The following ARPC2 variants were observed in gnomAD, a reference collection of about 807,000 sequenced individuals.
The protein encoded by ARPC2 is actin related protein 2/3 complex subunit 2.
A neutral mutation model predicts 38.6 loss-of-function variants in ARPC2; 4 were observed. The observed-to-expected ratio is 0.10, with a 90% CI of 0.05 to 0.24. ARPC2 has a LOEUF of 0.24. ARPC2 is among the 10% of genes least tolerant of loss of function. ARPC2 has a pLI of 1.00. For synonymous variants in ARPC2, 125 were observed against 140.8 expected (o/e 0.89, Z 0.79); for missense variants, 229 against 387.3 (o/e 0.59, Z 3.43).
intron 3 of ARPC2, 151 bp downstream of exon 3, chr2:218,226,105 G>A: frequency 1.3e-6 from 1 of 743,864 alleles, no homozygotes; most frequent in South Asian, 1.6e-5. Context: ...GAACAGCCTG[G>A]CAAACATGGT....
At chr2:218,230,276 C>CTTTTTTTTTCTTTTTT (rs1689600155) in intron 4 of ARPC2, among the ~76,000 whole-genome samples, 1 of 112,444 alleles carries the variant, frequency 8.9e-6, no homozygotes, top group East Asian at 2.5e-4. Context: ...CCAGCCTTTT[C>CTTTTTTTTTCTTTTTT]TTTTTTTTTT....
At chr2:218,225,766 A>G (rs1013487522) in intron 2 of ARPC2, among the ~76,000 whole-genome samples, 154 bp from the exon 3 acceptor site, 38 of 152,350 alleles carry the variant, frequency 2.5e-4, no homozygotes, top group South Asian at 6.2e-4. Flanking sequence ...GTTCAGGTCC[A>G]TGAGAAAATG....
intron 3 of ARPC2, among the ~76,000 whole-genome samples, chr2:218,226,597 C>G (rs936343036): frequency 7.2e-6 from 1 of 139,428 alleles, no homozygotes; most frequent in African/African-American, 2.7e-5. Flanking sequence ...CCACTGCACT[C>G]CAGCCTGGGC....
chr2:218,224,764 C>T (rs1689459081), intron 2 of ARPC2, among the ~76,000 whole-genome samples: 1 of 152,188 alleles, frequency 6.6e-6, no homozygotes. Flanking sequence ...TTCAGCAGGG[C>T]TAGCATGCTT....
intron 5 of ARPC2, 73 bp downstream of exon 5, chr2:218,234,470 C>T: frequency 8.4e-7 from 1 of 1,187,374 alleles, no homozygotes. Flanking sequence ...GCTTTTTTTA[C>T]CCAAAGGATT....
chr2:218,238,977 CT>C, intron 6 of ARPC2, 127 bp downstream of exon 6: 1 of 795,086 alleles, frequency 1.3e-6, no homozygotes, highest in South Asian at 1.9e-5. Flanking sequence ...CATAAAATGT[CT>C]TAAGCCAGGA....
At chr2:218,237,418 C>T (rs1314577674) in intron 5 of ARPC2, among the ~76,000 whole-genome samples, 3 of 151,914 alleles carry the variant, frequency 2.0e-5, no homozygotes, top group Admixed American at 1.3e-4. Flanking sequence ...AGGCAGGTCT[C>T]GAACTCCTGA....
At chr2:218,253,718 G>A (rs553927437) in intron 10 of ARPC2, among the ~76,000 whole-genome samples, 173 bp from the exon 11 acceptor site, 1 of 152,150 alleles carries the variant, frequency 6.6e-6, no homozygotes. Context: ...AAACCATTCT[G>A]TGAAAGCCAG....
At position 218,217,507 on chromosome 2, in the gene ARPC2, G is replaced by A; in HGVS notation, c.37G>A (p.Glu13Lys). The A allele has an allele frequency of 2.5e-6, 4 of 1,613,826 alleles. No homozygotes were observed. The highest frequency in any genetic ancestry group is 3.4e-6 in the Non-Finnish European group (4 of 1,179,878). Residue 13 changes from glutamate to lysine, a missense_variant, in exon 2 of 11, where the codon GAG becomes AAG. By Grantham distance (56) the Glu-to-Lys change is moderately conservative. Around this residue, in one of 3 missense-constraint regions of ARPC2, gnomAD observed 135 missense variants for 214.1 expected, o/e 0.63. Transcript: ENST00000315717. ...GGAGGTGAACAACCGCATCATCGAG[G>A]AGACGCTCGCGCTCAAGTTCGAGAA... ...LLEVNNRIIEETLALKFENAA... is the reference protein window; with the variant it reads ...LLEVNNRIIEKTLALKFENAA...
chr2:218,249,788 C>T, intron 9 of ARPC2, 33 bp from the exon 10 acceptor site: 1 of 1,578,496 alleles, frequency 6.3e-7, no homozygotes, highest in Non-Finnish European at 8.7e-7. Context: ...TAGACCATGA[C>T]TGTGCTTTAG....
At chr2:218,225,789 T>C (rs1689483029) in intron 2 of ARPC2, 131 bp from the exon 3 acceptor site, 1 of 759,390 alleles carries the variant, frequency 1.3e-6, no homozygotes, top group Admixed American at 2.2e-5. Flanking sequence ...TTGTGTACTC[T>C]GATTGGCAGT....
chr2:218,225,683 AC>A (rs1323811773), intron 2 of ARPC2, among the ~76,000 whole-genome samples: 3 of 152,214 alleles, frequency 2.0e-5, no homozygotes, highest in Admixed American at 1.3e-4. Flanking sequence ...CAGGTGAAAA[AC>A]AAAAGCTATA....
chr2:218,228,857 T>G lies in ARPC2; in HGVS notation c.222+7T>G, dbSNP rs764946348. 2.0e-6 allele frequency: 3 copies of G among 1,513,506 alleles called. No homozygotes were observed. The highest frequency in any genetic ancestry group is 2.8e-6 in the Non-Finnish European group (3 of 1,089,596). 93.8% of individuals were successfully genotyped at this position (1,513,506 alleles called of 1,614,324 possible). On this transcript the variant is annotated splice_region_variant and intron_variant, in intron 4 of 10. Transcript: ENST00000315717. ...GGCACATGGTGCTGATGAGGTAAGATCCACATCATTTTCCTTGGGACTCTT... is the reference window on the plus strand; with the variant it reads ...GGCACATGGTGCTGATGAGGTAAGAGCCACATCATTTTCCTTGGGACTCTT...
intron 8 of ARPC2, among the ~76,000 whole-genome samples, chr2:218,246,011 C>G (rs1377834561): frequency 1.3e-5 from 2 of 151,814 alleles, no homozygotes; most frequent in African/African-American, 4.8e-5. Context: ...GTCAGGAGAT[C>G]AAGATCATCC....
intron 3 of ARPC2, among the ~76,000 whole-genome samples, chr2:218,228,136 G>A (rs998379412): frequency 1.3e-5 from 2 of 152,126 alleles, no homozygotes; most frequent in Non-Finnish European, 2.9e-5. Context: ...TGGGCAAGGT[G>A]GTTCACGCCT....
At chr2:218,238,427 A>G (rs917713079) in intron 5 of ARPC2, among the ~76,000 whole-genome samples, 1 of 152,192 alleles carries the variant, frequency 6.6e-6, no homozygotes, top group Non-Finnish European at 1.5e-5. Context: ...TATAAAAATT[A>G]AGATTTTATT....
At chr2:218,230,287 C>CT (rs768585570) in intron 4 of ARPC2, among the ~76,000 whole-genome samples, 956 of 73,004 alleles carry the variant, frequency 0.013, 18 homozygotes, top group East Asian at 0.019. Flanking sequence ...TTTTTTTTTT[C>CT]TTTTTTTTTT....
rs1249358231 is a variant in ARPC2, at chr2:218,249,938, C to T, written c.878+17C>T. ...AACAATCACGTAAGTTAGGCAGCAC[C>T]CCAGCGACCACCTTCCTCTCCTGAG... On this transcript the variant is annotated intron_variant, in intron 10 of 10. Coordinates refer to ENST00000315717, the MANE Select transcript of ARPC2 (RefSeq NM_152862.3). 3 of 1,581,000 alleles carry T rather than the reference C, an allele frequency of 1.9e-6. No homozygotes were observed. The highest frequency in any genetic ancestry group is 1.1e-5 in the South Asian group (1 of 87,814).
At chr2:218,236,449 C>A (rs947235242) in intron 5 of ARPC2, 3 of 152,038 alleles carry the variant, frequency 2.0e-5, no homozygotes, top group African/African-American at 7.2e-5. Flanking sequence ...TAAGCATTAT[C>A]TAGAGCAAAG....
Sources: gnomAD v4.1 joint callset for allele counts (sites outside exome capture counted in the v4.1 genomes callset) on GRCh38, gnomAD v4.1.1 for gene constraint, gnomAD v4.1.1 regional missense constraint, MANE v1.5 for transcripts, NCBI Gene and HGNC (gene_info 2026-07-23, HGNC 2026-07-21) for gene names.